The following PDE11A variants were observed in gnomAD, a reference collection of about 807,000 sequenced individuals.
PDE11A encodes the protein phosphodiesterase 11A, also known as dual 3',5'-cyclic-AMP and -GMP phosphodiesterase 11A.
PDE11A carries 100 observed loss-of-function variants against 100.5 expected under a neutral mutation model. The observed-to-expected ratio is 1.00, with a 90% CI of 0.85 to 1.18. PDE11A has a LOEUF of 1.18. Ranked by LOEUF, PDE11A falls within the 50% of genes most tolerant of loss-of-function variation. The pLI, the probability that PDE11A is intolerant of heterozygous loss-of-function variation, is 0.00. For missense variants in PDE11A, 1,141 were observed against 1,152.6 expected (o/e 0.99, Z 0.15); for synonymous variants, 381 against 420.8 (o/e 0.91, Z 1.16).
chr2:178,093,068 T>C (rs369261533), intron 2 of PDE11A: 1 of 152,222 alleles, frequency 6.6e-6, no homozygotes, highest in East Asian at 1.9e-4. Context: ...TTGGACTCAG[T>C]AGGGAGGCTA....
At chr2:177,806,953 C>T (rs1219673018) in intron 9 of PDE11A, among the ~76,000 whole-genome samples, 2 of 151,804 alleles carry the variant, frequency 1.3e-5, no homozygotes, top group Non-Finnish European at 2.9e-5. Context: ...TCAACATATA[C>T]GTAACTGGGT....
chr2:177,927,580 C>T (rs927364519), intron 2 of PDE11A, among the ~76,000 whole-genome samples: 1 of 152,096 alleles, frequency 6.6e-6, no homozygotes, highest in South Asian at 2.1e-4. Flanking sequence ...ACAGGAGTTC[C>T]AGAAAAACAC....
intron 1 of PDE11A, among the ~76,000 whole-genome samples, chr2:178,061,272 T>C (rs1409281499): frequency 6.6e-6 from 1 of 152,064 alleles, no homozygotes; most frequent in African/African-American, 2.4e-5. Flanking sequence ...CAGGGGATAT[T>C]TGACAATGTC....
chr2:177,903,048 C>G (rs1385718694), intron 3 of PDE11A, among the ~76,000 whole-genome samples: 1 of 152,182 alleles, frequency 6.6e-6, no homozygotes, highest in Admixed American at 6.6e-5. Context: ...AAAGCCAAAG[C>G]CCTTGCCATG....
At chr2:177,945,581 G>A (rs1049536658) in intron 2 of PDE11A, among the ~76,000 whole-genome samples, 2 of 150,916 alleles carry the variant, frequency 1.3e-5, no homozygotes, top group South Asian at 2.1e-4. Context: ...CCCTCTGCCT[G>A]GCAACCACCC....
chr2:178,108,268 T>C (rs1431098852), exon 1 of PDE11A: 1 of 152,304 alleles, frequency 6.6e-6, no homozygotes. Flanking sequence ...AACAGCCACC[T>C]GGCCAGAGTC....
At chr2:177,820,359 T>C in intron 6 of PDE11A, 64 bp from the exon 7 acceptor site, 5 of 955,064 alleles carry the variant, frequency 5.2e-6, no homozygotes, top group Admixed American at 1.8e-5. Context: ...ATTTACATTT[T>C]TTCCATTTTT....
chr2:177,870,198 G>T (rs1414940712), intron 5 of PDE11A, among the ~76,000 whole-genome samples: 1 of 152,076 alleles, frequency 6.6e-6, no homozygotes, highest in Non-Finnish European at 1.5e-5. Context: ...CTTCATTGTT[G>T]CTTTGAAAGA....
chr2:177,853,635 C>CATACAT (rs1491477650), intron 5 of PDE11A, among the ~76,000 whole-genome samples: 10 of 36,200 alleles, frequency 2.8e-4, no homozygotes, highest in Admixed American at 9.1e-4. Context: ...ACAAGTCCTG[C>CATACAT]ATATATATAT....
intron 2 of PDE11A, among the ~76,000 whole-genome samples, chr2:178,083,099 A>ATTT (rs71870174): frequency 8.9e-4 from 123 of 138,804 alleles, no homozygotes; most frequent in Non-Finnish European, 1.2e-3. Context: ...TAAAACTAAA[A>ATTT]TTTTTTTTTT....
At chr2:177,737,791 T>C (rs1012265835) in intron 10 of PDE11A, among the ~76,000 whole-genome samples, 3 of 152,316 alleles carry the variant, frequency 2.0e-5, no homozygotes, top group East Asian at 3.9e-4. Context: ...TAATTATTGT[T>C]GAAAGTCTGA....
chr2:177,850,553 A>G (rs1348202135), intron 5 of PDE11A, among the ~76,000 whole-genome samples: 2 of 152,230 alleles, frequency 1.3e-5, no homozygotes, highest in African/African-American at 2.4e-5. Flanking sequence ...ATTAAACTAA[A>G]GAGCTTCTGC....
At chr2:178,020,760 T>C (rs574945402) in intron 1 of PDE11A, among the ~76,000 whole-genome samples, 17 of 152,170 alleles carry the variant, frequency 1.1e-4, no homozygotes, top group African/African-American at 3.9e-4. Flanking sequence ...ATTGCGCCAC[T>C]GCACTCCAGA....
intron 10 of PDE11A, among the ~76,000 whole-genome samples, chr2:177,763,957 C>A (rs2082205583): frequency 6.6e-6 from 1 of 152,220 alleles, no homozygotes; most frequent in Admixed American, 6.5e-5. Context: ...GGCCCTAGTG[C>A]AGGGCATAAG....
intron 9 of PDE11A, among the ~76,000 whole-genome samples, chr2:177,809,926 G>A (rs2082923770): frequency 6.6e-6 from 1 of 152,144 alleles, no homozygotes; most frequent in Non-Finnish European, 1.5e-5. Context: ...ATCTTTCCTC[G>A]GAGCTTAGAA....
At chr2:177,686,697 A>ATTTTTTTTTTTTTTTT (rs202225715) in intron 15 of PDE11A, 1 of 124,058 alleles carries the variant, frequency 8.1e-6, no homozygotes, top group African/African-American at 3.2e-5. Flanking sequence ...GTACATGTAA[A>ATTTTTTTTTTTTTTTT]TTTTTTTTTT....
intron 4 of PDE11A, among the ~76,000 whole-genome samples, chr2:177,884,149 G>T (rs1334232005): frequency 1.3e-5 from 2 of 152,170 alleles, no homozygotes; most frequent in African/African-American, 4.8e-5. Flanking sequence ...AGCCAGTAGA[G>T]TTGACAATGT....
At chr2:177,741,763 A>G (rs1197642931) in intron 10 of PDE11A, among the ~76,000 whole-genome samples, 1 of 152,214 alleles carries the variant, frequency 6.6e-6, no homozygotes, top group Non-Finnish European at 1.5e-5. Flanking sequence ...AAAGATAAGA[A>G]CTGGGTGTGA....
At position 177,817,928 on chromosome 2, in the gene PDE11A, A is replaced by G. The variant is rs3821010; in HGVS notation, c.1577-3T>C. On this transcript the variant is annotated splice_polypyrimidine_tract_variant and splice_region_variant and intron_variant, in intron 7 of 19. Coordinates refer to ENST00000286063, the MANE Select transcript of PDE11A (RefSeq NM_016953.4). ...TCTGTTTAACACTTGAGCCACTCCT[A>G]TGGGGAAAGAGTGGATTATGTGGTC... 441,921 of 1,396,904 alleles carry G rather than the reference A, an allele frequency of 0.32. 75,446 individuals carry two copies. The highest frequency in any genetic ancestry group is 0.64 in the African/African-American group (44,184 of 68,760). The allele number at this position is 1,396,904 out of a possible 1,614,324, so 86.5% of individuals were successfully genotyped here. A position where few individuals can be genotyped will look rare whatever the true frequency, so the allele number is the denominator to read the frequency against.
Sources: allele counts gnomAD v4.1 joint callset (sites outside exome capture counted in the v4.1 genomes callset), GRCh38; gene constraint gnomAD v4.1.1; transcripts MANE v1.5; gene names NCBI Gene and HGNC (gene_info 2026-07-23, HGNC 2026-07-21).